ITGA9: variants seen among roughly 807,000 people sequenced by gnomAD.
The protein encoded by ITGA9 is integrin alpha-9.
In ITGA9, 56 loss-of-function variants were observed where a neutral mutation model predicts 127.8. The observed-to-expected ratio is 0.44, with a 90% CI of 0.35 to 0.55. The LOEUF (loss-of-function observed/expected upper bound fraction) is 0.55, where lower values mean the gene tolerates loss of function less well. Among genes scored for constraint, ITGA9 ranks in the 20% least tolerant of loss-of-function variants. The pLI, the probability that ITGA9 is intolerant of heterozygous loss-of-function variation, is 0.00. For synonymous variants in ITGA9, 508 were observed against 514.5 expected (o/e 0.99, Z 0.17); for missense variants, 1,196 against 1,347.1 (o/e 0.89, Z 1.76).
chr3:37,519,112 G>A (rs1699018495), intron 10 of ITGA9, 148 bp from the exon 11 acceptor site: 1 of 654,672 alleles, frequency 1.5e-6, no homozygotes, highest in Admixed American at 2.5e-5. Flanking sequence ...TTCCCGCTGA[G>A]GGATCTTGTC....
In ITGA9 at chr3:37,719,485, C is replaced by T. The variant is rs146672877; in HGVS notation, c.2068-13227C>T. ...TGGCCTCTGTTCTCAGTCCACAGCT[C>T]CACCAGCCCAGTTGCTTGTGCAGAG... is the stretch of plus-strand genomic sequence containing the variant. On this transcript the variant is annotated intron_variant, in intron 18 of 27. Coordinates refer to ENST00000264741, the MANE Select transcript of ITGA9 (RefSeq NM_002207.3). Among the ~76,000 whole-genome samples, 204 of 152,262 alleles carry T rather than the reference C, an allele frequency of 1.3e-3. 1 individual carries two copies. The Middle Eastern group carries it at 0.041, about 30-fold the overall frequency.
At chr3:37,643,492 T>C (rs1700351050) in intron 16 of ITGA9, among the ~76,000 whole-genome samples, 1 of 142,422 alleles carries the variant, frequency 7.0e-6, no homozygotes, top group African/African-American at 2.8e-5. Flanking sequence ...TCTTTTTCAG[T>C]GTTATGTTTT....
At chr3:37,800,522 G>C (rs923490238) in intron 26 of ITGA9, among the ~76,000 whole-genome samples, 1 of 152,196 alleles carries the variant, frequency 6.6e-6, no homozygotes, top group African/African-American at 2.4e-5. Context: ...AATGCAGGAA[G>C]TGATTTGATC....
chr3:37,772,873 A>G (rs1182521745), intron 23 of ITGA9, among the ~76,000 whole-genome samples: 1 of 152,196 alleles, frequency 6.6e-6, no homozygotes, highest in Non-Finnish European at 1.5e-5. Context: ...CACCAGGGGC[A>G]GATGAGGTGT....
intron 26 of ITGA9, among the ~76,000 whole-genome samples, chr3:37,803,519 T>G (rs1697258802): frequency 6.6e-6 from 1 of 152,218 alleles, no homozygotes; most frequent in South Asian, 2.1e-4. Flanking sequence ...GCACTGTGGC[T>G]CGTGCCTGTA....
intron 6 of ITGA9, 88 bp from the exon 7 acceptor site, chr3:37,505,912 C>G: frequency 1.0e-6 from 1 of 987,316 alleles, no homozygotes; most frequent in Non-Finnish European, 1.6e-6. Flanking sequence ...AGGGAGCATG[C>G]TTGAGAAACA....
chr3:37,633,606 T>C lies in ITGA9; in HGVS notation c.1839+4270T>C, dbSNP rs192285771. 3.9e-5 allele frequency among the ~76,000 whole-genome samples: 6 copies of C among 152,266 alleles called. No homozygotes were observed. The East Asian group carries it at 9.6e-4, about 24-fold the overall frequency. ...AAAGCACACTGGACCTAAAGAATAT[T>C]TGAACTAAAATTAACTGCTGGATTA... On this transcript the variant is annotated intron_variant, in intron 16 of 27. Transcript: ENST00000264741.
intron 6 of ITGA9, among the ~76,000 whole-genome samples, chr3:37,504,069 T>G (rs1164476863): frequency 6.6e-6 from 1 of 152,252 alleles, no homozygotes; most frequent in East Asian, 1.9e-4. Flanking sequence ...ACTCCCTTTT[T>G]GCATAGCGTC....
At chr3:37,617,583 G>A (rs1430612069) in intron 15 of ITGA9, among the ~76,000 whole-genome samples, 5 of 152,184 alleles carry the variant, frequency 3.3e-5, no homozygotes, top group South Asian at 2.1e-4. Context: ...CATTTTCCCC[G>A]TCACTTTCAG....
intron 15 of ITGA9, among the ~76,000 whole-genome samples, chr3:37,620,641 A>T (rs1160050647): frequency 6.6e-6 from 1 of 152,058 alleles, no homozygotes; most frequent in East Asian, 1.9e-4. Flanking sequence ...GCTGACATCA[A>T]AGTTGTCGCT....
chr3:37,762,559 T>G (rs1446096302), intron 23 of ITGA9, among the ~76,000 whole-genome samples: 1 of 152,140 alleles, frequency 6.6e-6, no homozygotes, highest in East Asian at 1.9e-4. Context: ...GGTGTCAGAC[T>G]CAATCTGTCC....
chr3:37,548,019 A>G (rs904126470), intron 15 of ITGA9, among the ~76,000 whole-genome samples: 1 of 152,164 alleles, frequency 6.6e-6, no homozygotes, highest in African/African-American at 2.4e-5. Flanking sequence ...CACTGTAGTA[A>G]ACTTACTTTT....
chr3:37,645,166 G>A (rs555620657), intron 16 of ITGA9, among the ~76,000 whole-genome samples: 1 of 152,320 alleles, frequency 6.6e-6, no homozygotes, highest in Non-Finnish European at 1.5e-5. Context: ...GGAAACTTGT[G>A]TGGGGCTATA....
At chr3:37,760,993 C>T (rs1191581314) in intron 23 of ITGA9, among the ~76,000 whole-genome samples, 2 of 152,040 alleles carry the variant, frequency 1.3e-5, no homozygotes, top group Non-Finnish European at 2.9e-5. Context: ...AGGAAATTCA[C>T]AAAAGAAGAA....
intron 5 of ITGA9, among the ~76,000 whole-genome samples, chr3:37,499,310 C>T (rs575609192): frequency 2.0e-5 from 3 of 152,354 alleles, no homozygotes; most frequent in South Asian, 2.1e-4. Flanking sequence ...TTGTAGATCC[C>T]GGGCACTCCT....
At chr3:37,479,634 G>A (rs941833155) in intron 3 of ITGA9, among the ~76,000 whole-genome samples, 66 of 152,332 alleles carry the variant, frequency 4.3e-4, no homozygotes, top group African/African-American at 1.6e-3. Context: ...ACATGTCCTG[G>A]GACATGTGGC....
At chr3:37,605,555 G>A (rs144806568) in intron 15 of ITGA9, among the ~76,000 whole-genome samples, 42 of 152,240 alleles carry the variant, frequency 2.8e-4, no homozygotes, top group African/African-American at 1.0e-3. Context: ...TAATCTCTCT[G>A]CCTCTCAACT....
Position 37,517,600 on chromosome 3 carries a change from G to GGGTT in ITGA9, c.1133_1136dup (p.Phe379LeufsTer14). On this transcript the variant is annotated frameshift_variant, in exon 10 of 28. Transcript: ENST00000264741. LOFTEE classifies it high-confidence loss of function. The stretch of plus-strand genomic sequence containing the variant: ...CAGCCTGGACGATCTGGACAATGAT[G>GGGTT]GGTTCCCAGGTGAGTGAGTGCTCCT... 1 of 1,578,732 alleles carries GGGTT rather than the reference G, an allele frequency of 6.3e-7. No individual in the cohort carries two copies. Among genetic ancestry groups the GGGTT allele is most frequent in the African/African-American group, 1.3e-5 (1 of 74,444 alleles).
At position 37,597,019 on chromosome 3, in the gene ITGA9, G is replaced by A. The variant is rs977750999; in HGVS notation, c.1690-32168G>A. 3.2e-4 allele frequency among the ~76,000 whole-genome samples: 48 copies of A among 152,318 alleles called. No individual in the cohort carries two copies. The highest frequency in any genetic ancestry group is 1.2e-3 in the African/African-American group (48 of 41,572). On this transcript the variant is annotated intron_variant, in intron 15 of 27. Coordinates refer to ENST00000264741, the MANE Select transcript of ITGA9 (RefSeq NM_002207.3). This position sits in a 1 kb window ranked among gnomAD's most constrained non-coding sequence, Gnocchi z 4.6. ...GGTGTTCTAAGCAGCTGCTGGGAAA[G>A]GGGGTGAGAGGAAGTGACTGCAGCT...
Sources: allele counts gnomAD v4.1 joint callset (sites outside exome capture counted in the v4.1 genomes callset), GRCh38; gene constraint gnomAD v4.1.1; non-coding constraint Gnocchi (gnomAD v3.1); transcripts MANE v1.5; gene names NCBI Gene and HGNC (gene_info 2026-07-23, HGNC 2026-07-21).